The following SEL1L2 variants were observed in gnomAD, a reference collection of about 807,000 sequenced individuals.
The protein encoded by SEL1L2 is SEL1L2 adaptor subunit of SYVN1 ubiquitin ligase, also known as protein sel-1 homolog 2.
SEL1L2 carries 89 observed loss-of-function variants against 98.8 expected under a neutral mutation model. The observed-to-expected ratio is 0.90, with a 90% CI of 0.76 to 1.07. The LOEUF is 1.07. SEL1L2 is among the 50% of genes least tolerant of loss of function. The pLI is 0.00. For missense variants in SEL1L2, 788 were observed against 812.0 expected, an observed-to-expected ratio of 0.97 and a Z score of 0.36; for synonymous variants, 262 against 278.5, an observed-to-expected ratio of 0.94 and a Z score of 0.59.
intron 10 of SEL1L2, among the ~76,000 whole-genome samples, chr20:13,884,478 C>T (rs1405565610): frequency 6.6e-6 from 1 of 152,096 alleles, no homozygotes; most frequent in African/African-American, 2.4e-5. Context: ...CTTCGCTACA[C>T]ATTTGAATGG....
chr20:13,879,163 C>T (rs1394375421), intron 10 of SEL1L2, among the ~76,000 whole-genome samples: 1 of 152,072 alleles, frequency 6.6e-6, no homozygotes, highest in African/African-American at 2.4e-5. Context: ...TGACAAGTCA[C>T]CAGTACAGAG....
chr20:13,920,769 C>T (rs1212747323), intron 3 of SEL1L2, among the ~76,000 whole-genome samples: 1 of 152,058 alleles, frequency 6.6e-6, no homozygotes, highest in East Asian at 1.9e-4. Context: ...TGTTTTTTAT[C>T]TTTCTGACAA....
intron 3 of SEL1L2, among the ~76,000 whole-genome samples, 158 bp downstream of exon 3, chr20:13,931,445 A>C (rs1260940336): frequency 3.3e-5 from 5 of 152,156 alleles, no homozygotes; most frequent in Non-Finnish European, 5.9e-5. Flanking sequence ...AAAATAAATT[A>C]AAATAAAACA....
intron 3 of SEL1L2, among the ~76,000 whole-genome samples, chr20:13,921,035 T>C (rs1381416609): frequency 5.3e-5 from 8 of 152,196 alleles, no homozygotes; most frequent in East Asian, 1.9e-4. Context: ...ATAGCTCCTA[T>C]GAAAATGCTT....
At chr20:13,888,382 C>A in intron 6 of SEL1L2, 77 bp downstream of exon 6, 1 of 954,486 alleles carries the variant, frequency 1.0e-6, no homozygotes, top group South Asian at 1.5e-5. Flanking sequence ...AGCCCCTTTA[C>A]TTAATGAGTA....
At chr20:13,960,228 A>G (rs1367257109) in intron 1 of SEL1L2, among the ~76,000 whole-genome samples, 1 of 152,206 alleles carries the variant, frequency 6.6e-6, no homozygotes, top group African/African-American at 2.4e-5. Context: ...AGAAGTACAA[A>G]CTGTCATGTG....
At chr20:13,926,085 A>G (rs1021991836) in intron 3 of SEL1L2, among the ~76,000 whole-genome samples, 20 of 152,310 alleles carry the variant, frequency 1.3e-4, no homozygotes, top group East Asian at 1.9e-4. Context: ...TTGGGAGGAC[A>G]AGGCGGGCGA....
At chr20:13,969,935 G>T (rs1851426691) in intron 1 of SEL1L2, among the ~76,000 whole-genome samples, 1 of 151,868 alleles carries the variant, frequency 6.6e-6, no homozygotes, top group Non-Finnish European at 1.5e-5. Context: ...TTCAGGAAGT[G>T]GTACTCCCTT....
upstream of SEL1L2, chr20:13,990,635 T>C (rs765236540): frequency 3.9e-5 from 34 of 874,070 alleles, no homozygotes; most frequent in Non-Finnish European, 5.9e-5. Context: ...CAGGAGTCAG[T>C]TGCTAAGCAA....
At chr20:13,950,754 A>C (rs535668082) in intron 2 of SEL1L2, among the ~76,000 whole-genome samples, 3 of 152,334 alleles carry the variant, frequency 2.0e-5, no homozygotes, top group African/African-American at 7.2e-5. Context: ...ACCACGAGCT[A>C]CGTTTCTATC....
chr20:13,965,187 C>T (rs1487604155), intron 1 of SEL1L2, among the ~76,000 whole-genome samples: 1 of 152,112 alleles, frequency 6.6e-6, no homozygotes, highest in Non-Finnish European at 1.5e-5. Flanking sequence ...GGGAATCACA[C>T]TGTGATGAAT....
chr20:13,939,665 C>CTTTTTTTTTTTTT (rs3042764), intron 2 of SEL1L2, among the ~76,000 whole-genome samples: 18 of 138,572 alleles, frequency 1.3e-4, no homozygotes, highest in Non-Finnish European at 2.0e-4. Context: ...CACCCTTATT[C>CTTTTTTTTTTTTT]TTTTTTTTTT....
At chr20:13,907,594 T>C (rs1343519894) in intron 5 of SEL1L2, among the ~76,000 whole-genome samples, 2 of 152,030 alleles carry the variant, frequency 1.3e-5, no homozygotes, top group Admixed American at 1.3e-4. Context: ...CAGAAAATAA[T>C]TGCCACAAAT....
chr20:13,913,396 C>T (rs2048281539), intron 5 of SEL1L2: 1 of 155,014 alleles, frequency 6.5e-6, no homozygotes, highest in Non-Finnish European at 1.4e-5. Context: ...AGCTTTTTTT[C>T]CCCTGTTTTC....
intron 3 of SEL1L2, among the ~76,000 whole-genome samples, chr20:13,925,393 A>G (rs1014534530): frequency 1.3e-5 from 2 of 152,204 alleles, no homozygotes; most frequent in Admixed American, 6.5e-5. Flanking sequence ...CCAAATCTGT[A>G]TGAGGGTCAG....
intron 1 of SEL1L2, among the ~76,000 whole-genome samples, chr20:13,989,521 A>G (rs988553760): frequency 6.6e-6 from 1 of 152,242 alleles, no homozygotes; most frequent in South Asian, 2.1e-4. Context: ...AGAAATGGCA[A>G]AAGTGGACAT....
intron 5 of SEL1L2, among the ~76,000 whole-genome samples, chr20:13,909,809 T>C (rs1252144240): frequency 6.6e-6 from 1 of 151,878 alleles, no homozygotes. Flanking sequence ...CTACTAAAAA[T>C]ACAAAAATTA....
At chr20:13,850,096 C>CT (rs1318355529) in intron 19 of SEL1L2, 95 bp downstream of exon 19, 39 of 1,447,828 alleles carry the variant, frequency 2.7e-5, no homozygotes, top group Non-Finnish European at 3.4e-5. Context: ...AAAGCCAGTC[C>CT]ACAAGAGACT....
intron 1 of SEL1L2, among the ~76,000 whole-genome samples, chr20:13,961,407 G>T (rs1366230818): frequency 6.6e-6 from 1 of 152,154 alleles, no homozygotes; most frequent in African/African-American, 2.4e-5. Context: ...TGAGATAGAA[G>T]AATTTTGAAG....
Sources: allele counts gnomAD v4.1 joint callset (sites outside exome capture counted in the v4.1 genomes callset), GRCh38; gene constraint gnomAD v4.1.1; transcripts MANE v1.5; gene names NCBI Gene and HGNC (gene_info 2026-07-23, HGNC 2026-07-21).